Variants in NRXN1 observed in about 807,000 individuals in gnomAD.
NRXN1 encodes the protein neurexin 1, also known as neurexin-1.
NRXN1 carries 39 observed loss-of-function variants against 150.9 expected under a neutral mutation model. That is an observed-to-expected ratio of 0.26 (90% CI 0.20 to 0.34). NRXN1 has a LOEUF of 0.34. NRXN1 is among the 10% of genes least tolerant of loss of function. The pLI is 1.00. For synonymous variants in NRXN1, 924 were observed against 757.0 expected, an observed-to-expected ratio of 1.22 and a Z score of -3.62; for missense variants, 1,815 against 1,949.9, an observed-to-expected ratio of 0.93 and a Z score of 1.30.
At chr2:50,776,782 C>A in intron 5 of NRXN1, among the ~76,000 whole-genome samples, 1 of 151,992 alleles carries the variant, frequency 6.6e-6, no homozygotes, top group East Asian at 1.9e-4. Context: ...ATCCCCCAGG[C>A]TACACTTAGT....
intron 2 of NRXN1, among the ~76,000 whole-genome samples, chr2:50,962,338 C>T (rs576472007): frequency 2.0e-5 from 3 of 151,718 alleles, no homozygotes; most frequent in East Asian, 3.9e-4. Context: ...CCCTTGAGGC[C>T]TCTTGTTTCT....
intron 17 of NRXN1, among the ~76,000 whole-genome samples, chr2:50,342,468 T>C (rs2077618695): frequency 6.6e-6 from 1 of 152,202 alleles, no homozygotes; most frequent in African/African-American, 2.4e-5. Context: ...AAGCTAAATA[T>C]TTCCCCAATG....
rs1699269627 is a variant in NRXN1 at position 50,740,239 on chromosome 2, C to G, written c.833-116624G>C. Among the ~76,000 whole-genome samples, 5 of 152,162 alleles carry G rather than the reference C, an allele frequency of 3.3e-5. No homozygotes were observed. In the South Asian group the frequency reaches 1.0e-3, roughly 32 times the overall value. On this transcript the variant is annotated intron_variant, in intron 5 of 22. Coordinates refer to ENST00000401669, the MANE Select transcript of NRXN1 (RefSeq NM_001330078.2). Reference sequence around the variant, plus strand: ...TAGCCAAGACATTCCTGGTAGAACCCTTCTAATGCCTGTGACTGGCTCAGA... The same window carrying G: ...TAGCCAAGACATTCCTGGTAGAACCGTTCTAATGCCTGTGACTGGCTCAGA...
intron 17 of NRXN1, among the ~76,000 whole-genome samples, chr2:50,396,457 G>A (rs78976252): frequency 6.6e-6 from 1 of 152,106 alleles, no homozygotes; most frequent in South Asian, 2.1e-4. Flanking sequence ...CTGCTACAAA[G>A]CAAATATATA....
intron 17 of NRXN1, among the ~76,000 whole-genome samples, chr2:50,286,276 C>A (rs1238858517): frequency 1.3e-5 from 2 of 152,070 alleles, no homozygotes; most frequent in East Asian, 1.9e-4. Flanking sequence ...CAATATCTCC[C>A]AAACTCCACC....
At chr2:50,676,104 C>A (rs1185881192) in intron 5 of NRXN1, among the ~76,000 whole-genome samples, 3 of 151,972 alleles carry the variant, frequency 2.0e-5, no homozygotes, top group Non-Finnish European at 4.4e-5. Context: ...TGGTGCCCTC[C>A]CAGAGCTAAT....
chr2:50,460,563 G>A (rs2088072608), intron 17 of NRXN1, among the ~76,000 whole-genome samples: 2 of 151,958 alleles, frequency 1.3e-5, no homozygotes, highest in Admixed American at 1.3e-4. Flanking sequence ...TTCCATTTAT[G>A]CATCTACTTT....
intron 17 of NRXN1, among the ~76,000 whole-genome samples, chr2:50,395,134 G>T (rs1020095919): frequency 1.3e-5 from 2 of 150,994 alleles, no homozygotes; most frequent in Non-Finnish European, 3.0e-5. Context: ...CTTTGTTATT[G>T]ATATTCTCCA....
chr2:50,777,816 C>A (rs963575644), intron 5 of NRXN1, among the ~76,000 whole-genome samples: 1 of 152,150 alleles, frequency 6.6e-6, no homozygotes, highest in African/African-American at 2.4e-5. Context: ...TTGGGCAAAT[C>A]AAATCCATTC....
chr2:50,845,037 T>A (rs1047520702), intron 5 of NRXN1, among the ~76,000 whole-genome samples: 2 of 152,068 alleles, frequency 1.3e-5, no homozygotes, highest in African/African-American at 2.4e-5. Flanking sequence ...AAAATTCTTT[T>A]GTGTAGATAG....
intron 2 of NRXN1, among the ~76,000 whole-genome samples, chr2:50,939,684 T>C (rs981816691): frequency 2.6e-5 from 4 of 152,166 alleles, no homozygotes; most frequent in Admixed American, 6.5e-5. Flanking sequence ...CCATGGTACC[T>C]AACACGTAAA....
At chr2:50,747,669 G>T (rs1700167639) in intron 5 of NRXN1, among the ~76,000 whole-genome samples, 1 of 151,904 alleles carries the variant, frequency 6.6e-6, no homozygotes, top group Non-Finnish European at 1.5e-5. Context: ...ATTATCTTTG[G>T]TAATTTTATC....
At chr2:50,226,402 T>C (rs943651570) in intron 18 of NRXN1, among the ~76,000 whole-genome samples, 1 of 151,948 alleles carries the variant, frequency 6.6e-6, no homozygotes, top group Non-Finnish European at 1.5e-5. Context: ...AATTATAAGG[T>C]ACTTGAGGTC....
chr2:50,328,211 T>G lies in NRXN1; in HGVS notation c.3365-91241A>C, dbSNP rs1348132436. 3.3e-5 allele frequency among the ~76,000 whole-genome samples: 5 copies of G among 151,970 alleles called. No homozygotes were observed. In the East Asian group the frequency reaches 9.7e-4, roughly 29 times the overall value. ...TTAAAACATGAGATATTTTTGTAATTTTTTTTGTTTTTTTTTTAGTTCATC... is the reference window on the plus strand; with the variant it reads ...TTAAAACATGAGATATTTTTGTAATGTTTTTTGTTTTTTTTTTAGTTCATC... On this transcript the variant is annotated intron_variant, in intron 17 of 22. Coordinates refer to ENST00000401669, the MANE Select transcript of NRXN1 (RefSeq NM_001330078.2).
chr2:49,925,946 T>C (rs900136967), intron 22 of NRXN1, among the ~76,000 whole-genome samples: 1 of 152,322 alleles, frequency 6.6e-6, no homozygotes, highest in East Asian at 1.9e-4. Context: ...CTCCGACGTG[T>C]AGGTAAAATT....
intron 8 of NRXN1, among the ~76,000 whole-genome samples, chr2:50,611,856 A>C (rs1403424742): frequency 6.6e-6 from 1 of 152,124 alleles, no homozygotes; most frequent in Non-Finnish European, 1.5e-5. Context: ...GATTCCACTG[A>C]AAGCTCATAT....
chr2:50,476,303 A>T (rs2089981271), intron 15 of NRXN1, among the ~76,000 whole-genome samples: 1 of 152,112 alleles, frequency 6.6e-6, no homozygotes, highest in South Asian at 2.1e-4. Flanking sequence ...TCCATTCCGC[A>T]GTAATTGAGC....
intron 18 of NRXN1, among the ~76,000 whole-genome samples, chr2:50,166,656 AT>A (rs769581717): frequency 3.1e-4 from 47 of 152,178 alleles, no homozygotes; most frequent in Non-Finnish European, 5.7e-4. Context: ...TTGAAAACTG[AT>A]ACAGATGCTA....
intron 12 of NRXN1, among the ~76,000 whole-genome samples, chr2:50,527,846 G>C (rs759506): frequency 0.88 from 133,515 of 152,230 alleles, 58,960 homozygotes; most frequent in African/African-American, 0.97. Flanking sequence ...TTAAATTGCT[G>C]ATGACTTTGT....
Sources: gnomAD v4.1 joint callset for allele counts (sites outside exome capture counted in the v4.1 genomes callset) on GRCh38, gnomAD v4.1.1 for gene constraint, MANE v1.5 for transcripts, NCBI Gene and HGNC (gene_info 2026-07-23, HGNC 2026-07-21) for gene names.